PCDHGB4: variants seen among roughly 807,000 people sequenced by gnomAD.
PCDHGB4 encodes the protein protocadherin gamma-B4.
In PCDHGB4, 38 loss-of-function variants were observed where a neutral mutation model predicts 60.5. The observed-to-expected ratio is 0.63, with a 90% CI of 0.48 to 0.82. The LOEUF (loss-of-function observed/expected upper bound fraction) is 0.82. Among genes scored for constraint, PCDHGB4 ranks in the 40% least tolerant of loss-of-function variants. The pLI, the probability that PCDHGB4 is intolerant of heterozygous loss-of-function variation, is 0.00. For missense variants in PCDHGB4, 1,109 were observed against 1,209.6 expected, an observed-to-expected ratio of 0.92 and a Z score of 1.23; for synonymous variants, 456 against 509.7, an observed-to-expected ratio of 0.89 and a Z score of 1.42.
intron 1 of PCDHGB4, chr5:141,392,800 G>T (rs1394780689): frequency 6.4e-7 from 1 of 1,570,722 alleles, no homozygotes; most frequent in African/African-American, 1.4e-5. Context: ...AGAGGATTCT[G>T]CAGCAAAACA....
Position 141,485,943 on chromosome 5 carries a change from C to CG in PCDHGB4, c.2398-8861dup, listed in dbSNP as rs1562109052. ...ATTAGTGTGTTGGAGAGCGCACCAG[C>CG]GGGCATGGTGCTCATCCAGCTCAAT... On this transcript the variant is annotated intron_variant, in intron 1 of 3. Coordinates refer to ENST00000519479, the MANE Select transcript of PCDHGB4 (RefSeq NM_003736.4). The surrounding 1 kb of genome is among the most constrained non-coding windows in gnomAD (Gnocchi z 5.7). The CG allele has an allele frequency of 1.2e-6, 2 of 1,614,126 alleles. No individual in the cohort carries two copies. Among genetic ancestry groups the CG allele is most frequent in the Non-Finnish European group, 1.7e-6 (2 of 1,180,012 alleles).
At chr5:141,417,423 C>T (rs1252792899) in intron 1 of PCDHGB4, 1 of 159,686 alleles carries the variant, frequency 6.3e-6, no homozygotes, top group African/African-American at 2.4e-5. Context: ...TATGTAAATT[C>T]AGTAAATAAA....
At chr5:141,405,104 C>T in intron 1 of PCDHGB4, 1 of 1,613,940 alleles carries the variant, frequency 6.2e-7, no homozygotes, top group Non-Finnish European at 8.5e-7. Flanking sequence ...CAGGCTGAGG[C>T]ACTGGCACTC....
chr5:141,393,584 A>G, intron 1 of PCDHGB4: 1 of 1,613,892 alleles, frequency 6.2e-7, no homozygotes, highest in African/African-American at 1.3e-5. Context: ...ACATGCCCCC[A>G]GGCACGCGGC....
chr5:141,400,319 C>A lies in PCDHGB4; in HGVS notation c.2397+10038C>A, dbSNP rs762588918. ...TTCCAACCTGGTCTCTGTGTCAAGTCTGGACCTGTGGTTCCCCCCAACTAC... is the reference window on the plus strand; with the variant it reads ...TTCCAACCTGGTCTCTGTGTCAAGTATGGACCTGTGGTTCCCCCCAACTAC... On this transcript the variant is annotated intron_variant, in intron 1 of 3. Coordinates refer to ENST00000519479, the MANE Select transcript of PCDHGB4 (RefSeq NM_003736.4). The A allele has an allele frequency of 4.3e-6, 7 of 1,614,092 alleles. No individual in the cohort carries two copies. In the South Asian group the frequency reaches 7.7e-5, roughly 18 times the overall value.
rs1473090410 is a variant in PCDHGB4, at chr5:141,389,887, A to G, written c.2003A>G (p.Glu668Gly). 2 of 1,613,940 alleles carry G rather than the reference A, an allele frequency of 1.2e-6. No individual in the cohort carries two copies. The highest frequency in any genetic ancestry group is 2.2e-5 in the East Asian group (1 of 44,890). Reference sequence around the variant, plus strand: ...CTGGTCTTCGCCGACAGCTTGCAGGAGGTGCTGCCGGATATCACTGACCGC... The same window carrying G: ...CTGGTCTTCGCCGACAGCTTGCAGGGGGTGCTGCCGGATATCACTGACCGC... ...LHLVFADSLQ[E>G]VLPDITDRPD... Residue 668 changes from glutamate to glycine, a missense_variant, in exon 1 of 4, where the codon GAG becomes GGG. Physicochemically the swap from Glu to Gly is moderately conservative, Grantham distance 98. This residue lies in a region of PCDHGB4 where 1,068 missense variants were observed against 1,089.9 expected (regional missense o/e 0.98). Transcript: ENST00000519479.
intron 1 of PCDHGB4, chr5:141,410,694 T>C: frequency 6.7e-7 from 1 of 1,493,788 alleles, no homozygotes; most frequent in Non-Finnish European, 8.9e-7. Context: ...TACTACTTTA[T>C]TTTCATATCT....
At chr5:141,416,641 C>A (rs996381588) in intron 1 of PCDHGB4, 1 of 152,056 alleles carries the variant, frequency 6.6e-6, no homozygotes, top group Non-Finnish European at 1.5e-5. Context: ...AAACACCAAC[C>A]ACAGCTGTAA....
intron 2 of PCDHGB4, among the ~76,000 whole-genome samples, chr5:141,501,984 G>A (rs989251578): frequency 2.0e-5 from 3 of 152,042 alleles, no homozygotes; most frequent in African/African-American, 4.8e-5. Context: ...ATCTGGTCCC[G>A]TTGTCTCCCT....
intron 1 of PCDHGB4, chr5:141,410,800 T>G: frequency 1.5e-6 from 1 of 678,550 alleles, no homozygotes. Context: ...TAAGTTGCTC[T>G]ATCTTTTTGT....
intron 1 of PCDHGB4, among the ~76,000 whole-genome samples, chr5:141,402,328 A>G (rs1589453798): frequency 6.6e-6 from 1 of 152,000 alleles, no homozygotes; most frequent in Non-Finnish European, 1.5e-5. Context: ...ACATTTACAA[A>G]TATATAGGTA....
chr5:141,393,984 C>G (rs1176875822), intron 1 of PCDHGB4: 1 of 1,613,570 alleles, frequency 6.2e-7, no homozygotes, highest in South Asian at 1.1e-5. Flanking sequence ...TGATAATTTA[C>G]CTTTTAAATT....
At position 141,477,898 on chromosome 5, in the gene PCDHGB4, A is replaced by C; in HGVS notation, c.2398-16909A>C. The C allele has an allele frequency of 6.2e-7, 1 of 1,614,158 alleles. No individual in the cohort carries two copies. Among genetic ancestry groups the C allele is most frequent in the East Asian group, 2.2e-5 (1 of 44,864 alleles). ...CTGGCCACCTAGTGTCACGGGTGGT[A>C]GGCTGGGACGCGGATGCAGGGCACA... On this transcript the variant is annotated intron_variant, in intron 1 of 3. Transcript: ENST00000519479. This position sits in a 1 kb window ranked among gnomAD's most constrained non-coding sequence, Gnocchi z 4.9.
rs1419365808 is a variant in PCDHGB4 at position 141,477,321 on chromosome 5, C to G, written c.2398-17486C>G. 1.2e-6 allele frequency: 2 copies of G among 1,614,160 alleles called. No homozygotes were observed. Among genetic ancestry groups the G allele is most frequent in the East Asian group, 4.5e-5 (2 of 44,874 alleles). On this transcript the variant is annotated intron_variant, in intron 1 of 3. Coordinates refer to ENST00000519479, the MANE Select transcript of PCDHGB4 (RefSeq NM_003736.4). The surrounding 1 kb of genome is among the most constrained non-coding windows in gnomAD (Gnocchi z 4.9). Reference sequence around the variant, plus strand: ...GGTCTCCCTTTCAGCCTTACTTCTTCCCTCAAGAATTACTTCACTTTGAAA... The same window carrying G: ...GGTCTCCCTTTCAGCCTTACTTCTTGCCTCAAGAATTACTTCACTTTGAAA...
Position 141,477,535 on chromosome 5 carries a change from G to A in PCDHGB4, c.2398-17272G>A, listed in dbSNP as rs2099412713. ...ACATTGAAGAAAACAACCTCCCCGG[G>A]GCTCCAATACTAAACCTAAGTGTCT... On this transcript the variant is annotated intron_variant, in intron 1 of 3. Transcript: ENST00000519479. The surrounding 1 kb of genome is among the most constrained non-coding windows in gnomAD (Gnocchi z 4.9). 1.2e-6 allele frequency: 2 copies of A among 1,613,936 alleles called. No homozygotes were observed. The highest frequency in any genetic ancestry group is 2.7e-5 in the African/African-American group (2 of 74,866).
At chr5:141,433,352 T>G (rs976015031) in intron 1 of PCDHGB4, 1 of 614,162 alleles carries the variant, frequency 1.6e-6, no homozygotes, top group Admixed American at 3.0e-5. Flanking sequence ...AGCCACCTAC[T>G]GTCTGCCTAT....
intron 1 of PCDHGB4, among the ~76,000 whole-genome samples, chr5:141,488,675 T>C (rs888235928): frequency 2.6e-5 from 4 of 152,116 alleles, no homozygotes; most frequent in Admixed American, 1.3e-4. Flanking sequence ...TACATGGGCT[T>C]TGCCTCTCCC....
chr5:141,494,950 A>T, intron 2 of PCDHGB4, 85 bp downstream of exon 2: 2 of 1,607,070 alleles, frequency 1.2e-6, no homozygotes, highest in African/African-American at 2.7e-5. Context: ...AGGGCCCAGC[A>T]TTTGCTACAG....
At chr5:141,423,750 TGGGGGGGG>T in intron 1 of PCDHGB4, 1 of 287,524 alleles carries the variant, frequency 3.5e-6, no homozygotes, top group Non-Finnish European at 4.5e-6. Flanking sequence ...GAAAACTGTT[TGGGGGGGG>T]GGTGGGGCGG....
Sources: allele counts gnomAD v4.1 joint callset (sites outside exome capture counted in the v4.1 genomes callset), GRCh38; gene constraint gnomAD v4.1.1; regional missense constraint gnomAD v4.1.1; non-coding constraint Gnocchi (gnomAD v3.1); transcripts MANE v1.5; gene names NCBI Gene and HGNC (gene_info 2026-07-23, HGNC 2026-07-21).